Variants in ABR observed in about 807,000 individuals in gnomAD.
ABR encodes active breakpoint cluster region-related protein.
ABR carries 35 observed loss-of-function variants against 107.2 expected under a neutral mutation model. The observed-to-expected ratio is 0.33, with a 90% CI of 0.25 to 0.43. The LOEUF (loss-of-function observed/expected upper bound fraction) is 0.43, where lower values mean the gene tolerates loss of function less well. Ranked by LOEUF, ABR falls within the 20% of genes least tolerant of loss-of-function variation. ABR has a pLI of 1.00. For missense variants in ABR, 815 were observed against 1,115.2 expected, an observed-to-expected ratio of 0.73 and a Z score of 3.83; for synonymous variants, 498 against 462.0, an observed-to-expected ratio of 1.08 and a Z score of -1.00.
intron 16 of ABR, among the ~76,000 whole-genome samples, chr17:1,030,485 G>A (rs1447208019): frequency 6.6e-6 from 1 of 152,216 alleles, no homozygotes; most frequent in African/African-American, 2.4e-5. Context: ...GGGCCAGCAG[G>A]GCTCTGCTAG....
At chr17:1,114,959 G>C (rs1459612220) in intron 2 of ABR, among the ~76,000 whole-genome samples, 3 of 152,192 alleles carry the variant, frequency 2.0e-5, no homozygotes, top group Admixed American at 6.5e-5. Flanking sequence ...AGCAAGTTTT[G>C]TTACAAAACC....
intron 1 of ABR, among the ~76,000 whole-genome samples, chr17:1,175,228 A>T (rs947894333): frequency 6.6e-6 from 1 of 152,122 alleles, no homozygotes; most frequent in African/African-American, 2.4e-5. Flanking sequence ...CCTGGCCAAC[A>T]TGGTGAAACC....
chr17:1,222,047 C>T (rs67136272), intron 1 of ABR, among the ~76,000 whole-genome samples: 89,278 of 148,804 alleles, frequency 0.6, 28,100 homozygotes, highest in African/African-American at 0.77. Context: ...GGAAGAGTAA[C>T]GATAACAGCA....
At chr17:1,116,494 G>T (rs918630958) in intron 2 of ABR, among the ~76,000 whole-genome samples, 1 of 152,188 alleles carries the variant, frequency 6.6e-6, no homozygotes, top group East Asian at 1.9e-4. Flanking sequence ...CAGACAGGGC[G>T]TGAGAGCTGT....
chr17:1,132,658 T>A (rs1355203570), intron 1 of ABR, among the ~76,000 whole-genome samples: 1 of 152,054 alleles, frequency 6.6e-6, no homozygotes, highest in Non-Finnish European at 1.5e-5. Context: ...ATTACAGGCG[T>A]GAGCCACCAC....
chr17:1,167,164 GGAGA>G (rs71372582), intron 1 of ABR, among the ~76,000 whole-genome samples: 43,117 of 151,602 alleles, frequency 0.28, 6,300 homozygotes, highest in Non-Finnish European at 0.32. Context: ...CTGGCTGGGC[GGAGA>G]GAGAGGCCAC....
rs116491260 is a variant in ABR, at chr17:1,059,546, G to A, written c.1183-679C>T. 8.6e-3 allele frequency among the ~76,000 whole-genome samples: 1,313 copies of A among 152,288 alleles called. 25 individuals are homozygous for A. The highest frequency in any genetic ancestry group is 0.031 in the African/African-American group (1,272 of 41,556). ...AGCCTGAAGCCCCACCTGCTAGCCT[G>A]GCACCAAGGCCCCCATGGCAGGGTT... On this transcript the variant is annotated intron_variant, in intron 10 of 22. Coordinates refer to ENST00000302538, the MANE Select transcript of ABR (RefSeq NM_021962.5).
At chr17:1,031,741 T>C (rs1315513249) in intron 16 of ABR, 1 of 1,234,856 alleles carries the variant, frequency 8.1e-7, no homozygotes. Flanking sequence ...ACGTCGGTCA[T>C]GCCGGGGGGG....
At chr17:1,065,771 A>T (rs1271731427) in intron 10 of ABR, among the ~76,000 whole-genome samples, 2 of 135,224 alleles carry the variant, frequency 1.5e-5, no homozygotes, top group Non-Finnish European at 3.1e-5. Flanking sequence ...TTTTTGAGAC[A>T]GTCTCACTCT....
rs118084174 is a variant in ABR, at chr17:1,038,786, A to C, written c.1791+11264T>G. On this transcript the variant is annotated intron_variant, in intron 16 of 22. Coordinates refer to ENST00000302538, the MANE Select transcript of ABR (RefSeq NM_021962.5). ...CCGCTCAGCATTCATCTGCAGCCTC[A>C]GCCCTAACTCAAGAAATTCTCTGGC... is the stretch of plus-strand genomic sequence containing the variant. Among the ~76,000 whole-genome samples, 174 of 152,360 alleles carry C rather than the reference A, an allele frequency of 1.1e-3. 1 individual carries two copies. The highest frequency in any genetic ancestry group is 9.3e-3 in the East Asian group (48 of 5,174).
At chr17:1,111,033 C>T (rs760548125) in intron 2 of ABR, among the ~76,000 whole-genome samples, 5 of 152,192 alleles carry the variant, frequency 3.3e-5, no homozygotes, top group East Asian at 1.9e-4. Flanking sequence ...CCTGGTACCA[C>T]GGGTTCTTCT....
chr17:1,111,410 T>C (rs1400151767), intron 2 of ABR, among the ~76,000 whole-genome samples: 1 of 152,252 alleles, frequency 6.6e-6, no homozygotes, highest in East Asian at 1.9e-4. Flanking sequence ...GGTGCCCCCC[T>C]GGAGGGGAAG....
At chr17:1,090,944 TG>T (rs2036982572) in intron 4 of ABR, among the ~76,000 whole-genome samples, 1 of 152,012 alleles carries the variant, frequency 6.6e-6, no homozygotes, top group Non-Finnish European at 1.5e-5. Flanking sequence ...CAGCCAGAGA[TG>T]GGGCAGAGCT....
upstream of ABR, among the ~76,000 whole-genome samples, chr17:1,190,460 C>A (rs552809492): frequency 2.9e-3 from 442 of 152,286 alleles, 3 homozygotes; most frequent in African/African-American, 1.0e-2. Flanking sequence ...AAGGTGAAAC[C>A]CCGTCTCTAC....
intron 1 of ABR, among the ~76,000 whole-genome samples, chr17:1,185,575 G>A (rs1339492962): frequency 1.3e-5 from 2 of 150,610 alleles, no homozygotes; most frequent in Admixed American, 6.6e-5. Context: ...AACCTGGGAG[G>A]TGGAGGTTGC....
At chr17:1,199,525 C>T (rs776185120) in intron 1 of ABR, among the ~76,000 whole-genome samples, 2 of 151,278 alleles carry the variant, frequency 1.3e-5, no homozygotes, top group Admixed American at 6.6e-5. Flanking sequence ...GGACTCTCAC[C>T]GCAGCCTCCC....
At chr17:1,171,462 C>T (rs185706644) in intron 1 of ABR, among the ~76,000 whole-genome samples, 1 of 152,300 alleles carries the variant, frequency 6.6e-6, no homozygotes, top group East Asian at 1.9e-4. Flanking sequence ...AGCCAAGCTG[C>T]CCGGAGTGAC....
chr17:1,085,990 T>C (rs1184045970), intron 4 of ABR, among the ~76,000 whole-genome samples: 2 of 151,980 alleles, frequency 1.3e-5, no homozygotes, highest in East Asian at 1.9e-4. Flanking sequence ...CCACTAAAGA[T>C]ACAAAATTAT....
chr17:1,199,052 T>TC (rs2042623816), intron 1 of ABR, among the ~76,000 whole-genome samples: 1 of 84,710 alleles, frequency 1.2e-5, no homozygotes, highest in African/African-American at 3.7e-5. Context: ...GGACTCTGAC[T>TC]CGAAAAAAAA....
Sources: allele counts gnomAD v4.1 joint callset (sites outside exome capture counted in the v4.1 genomes callset), GRCh38; gene constraint gnomAD v4.1.1; transcripts MANE v1.5; gene names NCBI Gene and HGNC (gene_info 2026-07-23, HGNC 2026-07-21).